Variants in ELAVL2 observed in about 807,000 individuals in gnomAD.
The protein encoded by ELAVL2 is ELAV-like protein 2.
A neutral mutation model predicts 34.6 loss-of-function variants in ELAVL2; 4 were observed. The observed-to-expected ratio is 0.12, with a 90% CI of 0.06 to 0.26. ELAVL2 has a LOEUF of 0.26. Ranked by LOEUF, ELAVL2 falls within the 10% of genes least tolerant of loss-of-function variation. The pLI is 1.00. For missense variants in ELAVL2, 432 were observed against 442.8 expected, an observed-to-expected ratio of 0.98 and a Z score of 0.22; for synonymous variants, 193 against 154.8, an observed-to-expected ratio of 1.25 and a Z score of -1.83.
At chr9:23,704,531 G>A (rs547634283) in intron 4 of ELAVL2, among the ~76,000 whole-genome samples, 94 of 152,186 alleles carry the variant, frequency 6.2e-4, no homozygotes, top group African/African-American at 2.0e-3. Flanking sequence ...TCCTCCCTTG[G>A]AGAACTAGCT....
chr9:23,692,764 G>C lies in ELAVL2; in HGVS notation c.873C>G (p.Ile291Met). 1 of 1,614,144 alleles carries C rather than the reference G, an allele frequency of 6.2e-7. No homozygotes were observed. The highest frequency in any genetic ancestry group is 8.5e-7 in the Non-Finnish European group (1 of 1,180,004). The change falls in exon 7 of 7, where the codon ATC becomes ATG. Residue 291 changes from isoleucine to methionine, a missense_variant. Physicochemically the swap from Ile to Met is conservative, Grantham distance 10. This residue lies in a region of ELAVL2 where 295 missense variants were observed against 306.1 expected (regional missense o/e 0.96). Coordinates refer to ENST00000397312, the MANE Select transcript of ELAVL2 (RefSeq NM_004432.5). ...CAAAAGGCCCAAACATTTGCCACAG[G>C]ATACTCTCATCTGCGTCAGGAGCCA... ...YNLAPDADES[I>M]LWQMFGPFGA... is the part of the protein sequence containing the mutation.
chr9:23,754,217 A>C (rs750995248), intron 2 of ELAVL2, among the ~76,000 whole-genome samples: 186 of 152,182 alleles, frequency 1.2e-3, no homozygotes, highest in Admixed American at 3.4e-3. Flanking sequence ...CAGAGAAACA[A>C]ATCTGGATGA....
chr9:23,773,964 C>T (rs1214497616), intron 1 of ELAVL2, among the ~76,000 whole-genome samples: 2 of 151,996 alleles, frequency 1.3e-5, no homozygotes, highest in Non-Finnish European at 2.9e-5. Flanking sequence ...CTAATCCCTG[C>T]ACTTTGGGAG....
At chr9:23,814,096 C>T (rs891667004) in intron 1 of ELAVL2, among the ~76,000 whole-genome samples, 1 of 152,100 alleles carries the variant, frequency 6.6e-6, no homozygotes, top group Non-Finnish European at 1.5e-5. Context: ...CGTAAATCAA[C>T]AACTCACAAC....
intron 5 of ELAVL2, among the ~76,000 whole-genome samples, chr9:23,700,643 A>C (rs1253584697): frequency 6.6e-6 from 1 of 152,194 alleles, no homozygotes; most frequent in Non-Finnish European, 1.5e-5. Flanking sequence ...AAAAACAAAA[A>C]CAAGACAGAT....
chr9:23,748,335 G>T (rs1297759853), intron 2 of ELAVL2, among the ~76,000 whole-genome samples: 1 of 152,160 alleles, frequency 6.6e-6, no homozygotes, highest in Non-Finnish European at 1.5e-5. Context: ...GTAACGAGAA[G>T]TAGTCTGGGG....
rs565543356 is a variant in ELAVL2, at chr9:23,707,953, T to C, written c.334-2882A>G. 3.9e-5 allele frequency among the ~76,000 whole-genome samples: 6 copies of C among 152,302 alleles called. No individual in the cohort carries two copies. The East Asian group carries it at 7.7e-4, about 20-fold the overall frequency. On this transcript the variant is annotated intron_variant, in intron 3 of 6. Transcript: ENST00000397312. ...AATTCAGATGAGTGTAGGTGGTGTG[T>C]CTTAAAAGTCATCCTAAAATATATT...
intron 2 of ELAVL2, among the ~76,000 whole-genome samples, 154 bp from the exon 3 acceptor site, chr9:23,731,279 C>A (rs909140691): frequency 6.6e-6 from 1 of 151,996 alleles, no homozygotes; most frequent in African/African-American, 2.4e-5. Context: ...TACATGAAGT[C>A]TTTATGTCTC....
chr9:23,740,458 C>CTT (rs2048899851), intron 2 of ELAVL2, among the ~76,000 whole-genome samples: 2 of 152,298 alleles, frequency 1.3e-5, no homozygotes, highest in South Asian at 4.1e-4. Flanking sequence ...AAAGTGTACA[C>CTT]TTTGTTGCCT....
intron 3 of ELAVL2, among the ~76,000 whole-genome samples, chr9:23,707,507 T>A (rs1244009141): frequency 6.6e-6 from 1 of 152,112 alleles, no homozygotes; most frequent in Non-Finnish European, 1.5e-5. Context: ...CATCTACACA[T>A]TCTCCAAGGA....
At chr9:23,830,902 A>G (rs1224454968), upstream of ELAVL2, among the ~76,000 whole-genome samples, 1 of 151,850 alleles carries the variant, frequency 6.6e-6, no homozygotes, top group Non-Finnish European at 1.5e-5. Context: ...AGGGTGAAGG[A>G]AAAAAAACCC....
chr9:23,780,416 T>C (rs556406200), intron 1 of ELAVL2, among the ~76,000 whole-genome samples: 1 of 152,220 alleles, frequency 6.6e-6, no homozygotes, highest in Non-Finnish European at 1.5e-5. Context: ...TTAATAAACT[T>C]GGAAAATGGC....
At chr9:23,754,945 T>C (rs1461583110) in intron 2 of ELAVL2, among the ~76,000 whole-genome samples, 4 of 152,276 alleles carry the variant, frequency 2.6e-5, no homozygotes, top group Admixed American at 2.6e-4. Context: ...TCAGATTGTT[T>C]ATGCATACAG....
chr9:23,830,626 C>CACACACACACCT (rs1491521757), upstream of ELAVL2, among the ~76,000 whole-genome samples: 2 of 72,548 alleles, frequency 2.8e-5, no homozygotes, highest in African/African-American at 4.0e-5. Context: ...ACACACACAC[C>CACACACACACCT]TTTTTTTTTT....
chr9:23,775,017 G>C (rs1376754505), intron 1 of ELAVL2, among the ~76,000 whole-genome samples: 1 of 152,022 alleles, frequency 6.6e-6, no homozygotes, highest in African/African-American at 2.4e-5. Context: ...AAAATGACCT[G>C]AATTTAAACT....
intron 1 of ELAVL2, among the ~76,000 whole-genome samples, chr9:23,774,235 AAAAGAAAG>A (rs1202748312): frequency 0.096 from 12,582 of 131,494 alleles, 833 homozygotes; most frequent in South Asian, 0.16. Flanking sequence ...AAAAAAAAAA[AAAAGAAAG>A]AAAGAAAGAA....
At chr9:23,800,271 G>GT (rs1407672791) in intron 1 of ELAVL2, among the ~76,000 whole-genome samples, 1 of 152,190 alleles carries the variant, frequency 6.6e-6, no homozygotes, top group African/African-American at 2.4e-5. Context: ...AACTGGAGGT[G>GT]TAACAATCAA....
At chr9:23,803,343 TCATGTTG>T (rs1416039966) in intron 1 of ELAVL2, among the ~76,000 whole-genome samples, 2 of 152,226 alleles carry the variant, frequency 1.3e-5, no homozygotes, top group African/African-American at 4.8e-5. Flanking sequence ...ATTACATGTT[TCATGTTG>T]CATACTTACA....
intron 1 of ELAVL2, among the ~76,000 whole-genome samples, chr9:23,788,199 A>G (rs1360616069): frequency 6.6e-6 from 1 of 152,222 alleles, no homozygotes; most frequent in Admixed American, 6.5e-5. Context: ...ACCAGGATAT[A>G]AAATATAACA....
Sources: allele counts gnomAD v4.1 joint callset (sites outside exome capture counted in the v4.1 genomes callset), GRCh38; gene constraint gnomAD v4.1.1; regional missense constraint gnomAD v4.1.1; transcripts MANE v1.5; gene names NCBI Gene and HGNC (gene_info 2026-07-23, HGNC 2026-07-21).